The following RBL1 variants were observed in gnomAD, a reference collection of about 807,000 sequenced individuals.
RBL1 encodes retinoblastoma-like protein 1.
RBL1 carries 82 observed loss-of-function variants against 123.0 expected under a neutral mutation model. The ratio of observed to expected loss-of-function variants is 0.67; its 90% CI spans 0.56 to 0.80. The LOEUF is 0.80. Ranked by LOEUF, RBL1 falls within the 30% of genes least tolerant of loss-of-function variation. The pLI is 0.00. For synonymous variants in RBL1, 405 were observed against 441.3 expected (o/e 0.92, Z 1.03); for missense variants, 1,171 against 1,299.6 (o/e 0.90, Z 1.52).
At position 36,998,610 on chromosome 20, in the gene RBL1, A is replaced by C. The variant is rs1209596123; in HGVS notation, c.*149T>G. 7.5e-6 allele frequency: 5 copies of C among 668,490 alleles called. No homozygotes were observed. In the South Asian group the frequency reaches 1.1e-4, roughly 15 times the overall value. The allele number at this position is 668,490 out of a possible 1,614,324, so 41.4% of individuals were successfully genotyped here. A position where few individuals can be genotyped will look rare whatever the true frequency, so the allele number is the denominator to read the frequency against. ...TCTCTGTCAACTACATTTTGGATAAATATTTTAAAAAGCACATAATTTTTG... is the reference window on the plus strand; with the variant it reads ...TCTCTGTCAACTACATTTTGGATAACTATTTTAAAAAGCACATAATTTTTG... On this transcript the variant is annotated 3_prime_UTR_variant, in exon 22 of 22. Coordinates refer to ENST00000373664, the MANE Select transcript of RBL1 (RefSeq NM_002895.5).
intron 2 of RBL1, among the ~76,000 whole-genome samples, chr20:37,086,070 T>C (rs2146332138): frequency 6.6e-6 from 1 of 152,296 alleles, no homozygotes; most frequent in Admixed American, 6.5e-5. Context: ...CATGTACTGC[T>C]CTACATTTGT....
At chr20:37,017,264 T>C (rs1232548391) in intron 19 of RBL1, among the ~76,000 whole-genome samples, 1 of 151,826 alleles carries the variant, frequency 6.6e-6, no homozygotes, top group African/African-American at 2.4e-5. Context: ...TTCCAGCTAC[T>C]CGGGAGGCTG....
Position 37,091,372 on chromosome 20 carries a change from A to G in RBL1, c.157-2250T>C, listed in dbSNP as rs536646887. Among the ~76,000 whole-genome samples, 8 of 151,738 alleles carry G rather than the reference A, an allele frequency of 5.3e-5. No individual in the cohort carries two copies. The South Asian group carries it at 1.7e-3, about 32-fold the overall frequency. On this transcript the variant is annotated intron_variant, in intron 1 of 21. Transcript: ENST00000373664. ...AGACTCCATCTCAAAAAAAAAAACA[A>G]GAATTACAGATAAAGGCCAGGCACA...
In RBL1 at chr20:37,089,028, C is replaced by T. The variant is rs2146336295; in HGVS notation, c.251G>A (p.Cys84Tyr). 1.2e-6 allele frequency: 2 copies of T among 1,611,820 alleles called. No homozygotes were observed. Among genetic ancestry groups the T allele is most frequent in the East Asian group, 2.2e-5 (1 of 44,738 alleles). Residue 84 changes from cysteine (C) to tyrosine (Y), a missense_variant, in exon 2 of 22, where the codon TGT becomes TAT. By Grantham distance (194) the Cys-to-Tyr change is radical. Coordinates refer to ENST00000373664, the MANE Select transcript of RBL1 (RefSeq NM_002895.5). ...ACGTAGTATTCTGGTAAGTGAAACA[C>T]AGTTGCCTTCCATGATACCCTTTCC... ...TVGKGIMEGN[C>Y]VSLTRILRSA...
chr20:37,040,794 T>A (rs1030635011), intron 13 of RBL1, among the ~76,000 whole-genome samples: 1 of 152,220 alleles, frequency 6.6e-6, no homozygotes, highest in African/African-American at 2.4e-5. Context: ...ATAATTTATA[T>A]AGGTAAGTTA....
At chr20:37,035,698 C>T (rs974311823) in intron 14 of RBL1, among the ~76,000 whole-genome samples, 190 bp from the exon 15 acceptor site, 2 of 152,134 alleles carry the variant, frequency 1.3e-5, no homozygotes, top group East Asian at 1.9e-4. Flanking sequence ...TACGATAAAA[C>T]GTGAAAATTA....
At chr20:37,065,365 C>A in intron 7 of RBL1, 59 bp downstream of exon 7, 1 of 1,303,676 alleles carries the variant, frequency 7.7e-7, no homozygotes, top group Non-Finnish European at 1.1e-6. Context: ...CAAATTTCAA[C>A]AAATCAACAA....
At chr20:37,031,236 A>G (rs951759817) in intron 16 of RBL1, among the ~76,000 whole-genome samples, 2 of 152,166 alleles carry the variant, frequency 1.3e-5, no homozygotes, top group Non-Finnish European at 2.9e-5. Context: ...CAAGAACACT[A>G]TCAACGGAAT....
In RBL1 at chr20:37,062,119, T is replaced by G. The variant is rs554907611; in HGVS notation, c.1048A>C (p.Asn350His). The change falls in exon 8 of 22, where the codon AAT (asparagine) becomes CAT (histidine). Residue 350 changes from asparagine (N) to histidine (H), a missense_variant. Coordinates refer to ENST00000373664, the MANE Select transcript of RBL1 (RefSeq NM_002895.5). ...TPLGKLTAQA[N>H]VEYNLQQHFE... ...TGCTGTTGAAGGTTATACTCCACAT[T>G]AGCCTGTGCTGTCAGTTTCCCTAAT... The G allele has an allele frequency of 8.1e-6, 13 of 1,614,176 alleles. No individual in the cohort carries two copies. The East Asian group carries it at 2.5e-4, about 30-fold the overall frequency.
At chr20:37,050,274 T>C (rs1470743912) in intron 11 of RBL1, among the ~76,000 whole-genome samples, 1 of 151,974 alleles carries the variant, frequency 6.6e-6, no homozygotes, top group Non-Finnish European at 1.5e-5. Context: ...CCGGGCGCAG[T>C]GGCTCACGCC....
rs2064040060 is a variant in RBL1, at chr20:37,004,622, A to G, written c.2872-756T>C. 2.7e-5 allele frequency among the ~76,000 whole-genome samples: 4 copies of G among 148,804 alleles called. No homozygotes were observed. The South Asian group carries it at 8.6e-4, about 32-fold the overall frequency. On this transcript the variant is annotated intron_variant, in intron 20 of 21. Transcript: ENST00000373664. ...GAGCTATTTGGGAGGCTGAGGCACT[A>G]GAATTGCTTGAACCCAGGAGGCAGA...
At chr20:37,011,358 C>T in intron 19 of RBL1, among the ~76,000 whole-genome samples, 1 of 150,536 alleles carries the variant, frequency 6.6e-6, no homozygotes, top group African/African-American at 2.5e-5. Flanking sequence ...AATTCATTCT[C>T]CACTCCAACA....
chr20:37,006,814 C>T (rs1233330663), intron 20 of RBL1, among the ~76,000 whole-genome samples: 1 of 141,778 alleles, frequency 7.1e-6, no homozygotes, highest in East Asian at 2.1e-4. Context: ...GCACGCCAGC[C>T]TGGGTGACAG....
rs1386266471 is a variant in RBL1 at position 37,062,105 on chromosome 20, G to GC, written c.1061_1062insG (p.Asn354LysfsTer7). ...TTACTTTTTCAAAGTGCTGTTGAAGGTTATACTCCACATTAGCCTGTGCTG... is the reference window on the plus strand; with the variant it reads ...TTACTTTTTCAAAGTGCTGTTGAAGGCTTATACTCCACATTAGCCTGTGCTG... On this transcript the variant is annotated frameshift_variant, in exon 8 of 22. Transcript: ENST00000373664. LOFTEE classifies it high-confidence loss of function. 6.2e-7 allele frequency: 1 copy of GC among 1,613,870 alleles called. No homozygotes were observed. Among genetic ancestry groups the GC allele is most frequent in the Non-Finnish European group, 8.5e-7 (1 of 1,179,970 alleles).
chr20:37,074,819 T>C lies in RBL1; in HGVS notation c.291-6633A>G, dbSNP rs559483715. Reference sequence around the variant, plus strand: ...CAGCCTGGGTGACAGAGTGAGACTCTGTCTCAAAGAAAAGTTAAACATAGA... The same window carrying C: ...CAGCCTGGGTGACAGAGTGAGACTCCGTCTCAAAGAAAAGTTAAACATAGA... On this transcript the variant is annotated intron_variant, in intron 2 of 21. Coordinates refer to ENST00000373664, the MANE Select transcript of RBL1 (RefSeq NM_002895.5). 3.3e-5 allele frequency among the ~76,000 whole-genome samples: 5 copies of C among 152,260 alleles called. No homozygotes were observed. In the East Asian group the frequency reaches 7.7e-4, roughly 24 times the overall value.
At chr20:37,017,384 AT>A (rs1161718347) in intron 19 of RBL1, among the ~76,000 whole-genome samples, 2 of 151,894 alleles carry the variant, frequency 1.3e-5, no homozygotes, top group African/African-American at 4.8e-5. Flanking sequence ...AAAAAAAAAA[AT>A]CATAGTATAT....
intron 16 of RBL1, among the ~76,000 whole-genome samples, chr20:37,026,828 C>A (rs62206482): frequency 0.16 from 23,857 of 150,126 alleles, 2,461 homozygotes; most frequent in Middle Eastern, 0.32. Flanking sequence ...CGTGGTGAAA[C>A]CCTGTCTCTA....
chr20:37,095,967 C>T lies in RBL1; in HGVS notation c.-39G>A. On this transcript the variant is annotated 5_prime_UTR_variant, in exon 1 of 22. Coordinates refer to ENST00000373664, the MANE Select transcript of RBL1 (RefSeq NM_002895.5). ...GCGGGCTGCGCGCCACGGCCCCCGA[C>T]TTCTTTCTCCCTCCCAGGCGCGCTA... is the stretch of plus-strand genomic sequence containing the variant. 1 of 1,446,450 alleles carries T rather than the reference C, an allele frequency of 6.9e-7. No individual in the cohort carries two copies. Among genetic ancestry groups the T allele is most frequent in the Non-Finnish European group, 9.2e-7 (1 of 1,087,822 alleles). The allele number at this position is 1,446,450 out of a possible 1,614,324, so 89.6% of individuals were successfully genotyped here. A position where few individuals can be genotyped will look rare whatever the true frequency, so the allele number is the denominator to read the frequency against.
At chr20:37,061,314 T>A in intron 8 of RBL1, 45 bp from the exon 9 acceptor site, 1 of 1,593,206 alleles carries the variant, frequency 6.3e-7, no homozygotes, top group Non-Finnish European at 8.6e-7. Flanking sequence ...GTTACCATCT[T>A]CCTTATTATG....
Sources: allele counts gnomAD v4.1 joint callset (sites outside exome capture counted in the v4.1 genomes callset), GRCh38; gene constraint gnomAD v4.1.1; transcripts MANE v1.5; gene names NCBI Gene and HGNC (gene_info 2026-07-23, HGNC 2026-07-21).